Variants in FLNB observed in about 807,000 individuals in gnomAD.
FLNB encodes filamin-B.
Under a neutral mutation model 250.6 loss-of-function variants are expected in FLNB, and 111 were observed. The observed-to-expected ratio is 0.44, with a 90% confidence interval of 0.38 to 0.52. The LOEUF (loss-of-function observed/expected upper bound fraction) is 0.52, where lower values mean the gene tolerates loss of function less well. FLNB is among the 20% of genes least tolerant of loss of function. The pLI, the probability that FLNB is intolerant of heterozygous loss-of-function variation, is 0.00. For missense variants in FLNB, 2,869 were observed against 3,447.8 expected, an observed-to-expected ratio of 0.83 and a Z score of 4.20; for synonymous variants, 1,302 against 1,372.1, an observed-to-expected ratio of 0.95 and a Z score of 1.13.
intron 1 of FLNB, among the ~76,000 whole-genome samples, chr3:58,062,667 T>G (rs1378884639): frequency 6.6e-6 from 1 of 152,190 alleles, no homozygotes; most frequent in African/African-American, 2.4e-5. Flanking sequence ...GCCTGCAGAC[T>G]AGAGCACACT....
chr3:58,125,569 T>C lies in FLNB; in HGVS notation c.3899-12T>C. 1 of 1,614,134 alleles carries C rather than the reference T, an allele frequency of 6.2e-7. No homozygotes were observed. The highest frequency in any genetic ancestry group is 8.5e-7 in the Non-Finnish European group (1 of 1,179,946). On this transcript the variant is annotated splice_polypyrimidine_tract_variant and intron_variant, in intron 22 of 45. Transcript: ENST00000295956. ...TATGCAAATATGCGTTTCTGTTTGT[T>C]GTTTTGAGCAGGTCTCCATGTAGTG...
intron 8 of FLNB, among the ~76,000 whole-genome samples, chr3:58,100,627 T>TCA (rs1440451566): frequency 3.4e-5 from 5 of 146,092 alleles, no homozygotes; most frequent in Admixed American, 2.8e-4. Context: ...AGACAGAGTC[T>TCA]CACTCTCTCA....
Position 58,111,951 on chromosome 3 carries a change from G to T in FLNB, c.2575+70G>T. 3.7e-6 allele frequency: 5 copies of T among 1,347,258 alleles called. 1 individual carries two copies. In the South Asian group the frequency reaches 4.7e-5, roughly 13 times the overall value. The allele number at this position is 1,347,258 out of a possible 1,614,324, so 83.5% of individuals were successfully genotyped here. Reference sequence around the variant, plus strand: ...GTGGCACTGGGCGTGTTTCATCCACGGCCTTGAGGAACTTCATCTCCACCA... The same window carrying T: ...GTGGCACTGGGCGTGTTTCATCCACTGCCTTGAGGAACTTCATCTCCACCA... On this transcript the variant is annotated intron_variant, in intron 17 of 45. Transcript: ENST00000295956.
chr3:58,018,327 C>CTTTTT (rs60851192), intron 1 of FLNB, among the ~76,000 whole-genome samples: 3 of 63,242 alleles, frequency 4.7e-5, no homozygotes, highest in African/African-American at 2.3e-4. Context: ...TATTCATTGA[C>CTTTTT]TTTTTTTTTT....
Position 58,124,435 on chromosome 3 carries a change from C to T in FLNB, c.3828C>T (p.Ala1276=). The change falls in exon 22 of 46, where the codon GCC becomes GCT. Residue 1276 remains alanine, a synonymous_variant. Transcript: ENST00000295956. ...CCCACATTGCCAACCCCTCAGGGGC[C>T]TCCACCGAGTGCTTTGTCACAGACA... ...IKAHIANPSG[A]STECFVTDNA... 1 of 1,614,230 alleles carries T rather than the reference C, an allele frequency of 6.2e-7. No individual in the cohort carries two copies. Among genetic ancestry groups the T allele is most frequent in the Non-Finnish European group, 8.5e-7 (1 of 1,180,028 alleles).
intron 1 of FLNB, among the ~76,000 whole-genome samples, chr3:58,037,174 C>T (rs955713355): frequency 1.3e-4 from 19 of 149,780 alleles, no homozygotes; most frequent in Non-Finnish European, 2.5e-4. Context: ...AAGCAATTCT[C>T]CTGCCTCAGC....
intron 1 of FLNB, among the ~76,000 whole-genome samples, chr3:58,021,008 G>C (rs1427874639): frequency 1.3e-5 from 2 of 152,076 alleles, no homozygotes; most frequent in Non-Finnish European, 2.9e-5. Flanking sequence ...GCTAAAATAG[G>C]ATTTCTCAGT....
intron 4 of FLNB, among the ~76,000 whole-genome samples, chr3:58,086,928 C>T (rs1438311300): frequency 6.6e-6 from 1 of 152,138 alleles, no homozygotes; most frequent in Non-Finnish European, 1.5e-5. Context: ...TCCTGGCCAA[C>T]GTGGTGAAAC....
chr3:58,015,929 C>T (rs910016309), intron 1 of FLNB, among the ~76,000 whole-genome samples: 3 of 151,910 alleles, frequency 2.0e-5, no homozygotes, highest in South Asian at 4.2e-4. Flanking sequence ...CAGGAGCAGA[C>T]GAGTGTGTCA....
intron 18 of FLNB, among the ~76,000 whole-genome samples, chr3:58,113,313 C>CT (rs1390717566): frequency 6.6e-6 from 1 of 152,204 alleles, no homozygotes; most frequent in Non-Finnish European, 1.5e-5. Flanking sequence ...TTCCAAGCCT[C>CT]TGAGATTCCT....
At chr3:58,134,913 A>G (rs990463619) in intron 27 of FLNB, 141 bp downstream of exon 27, 5 of 793,008 alleles carry the variant, frequency 6.3e-6, no homozygotes, top group Admixed American at 4.6e-5. Context: ...GAGTCAGTAA[A>G]TGTGCAGAAG....
intron 1 of FLNB, among the ~76,000 whole-genome samples, chr3:58,013,102 G>A (rs776314143): frequency 6.6e-6 from 1 of 152,218 alleles, no homozygotes; most frequent in Non-Finnish European, 1.5e-5. Flanking sequence ...GCCAGGAGTT[G>A]GCAGTTTTAT....
At chr3:58,069,232 CTTTTTTTTTTTT>C (rs59689498) in intron 1 of FLNB, among the ~76,000 whole-genome samples, 1 of 86,384 alleles carries the variant, frequency 1.2e-5, no homozygotes, top group Non-Finnish European at 2.2e-5. Context: ...TAGTTCAATT[CTTTTTTTTTTTT>C]TTTTTTTTTT....
intron 1 of FLNB, among the ~76,000 whole-genome samples, chr3:58,033,130 A>C (rs1285540990): frequency 1.3e-5 from 2 of 152,220 alleles, no homozygotes; most frequent in African/African-American, 4.8e-5. Flanking sequence ...TTGTTATACA[A>C]TGAAGAACAC....
At chr3:58,109,459 C>T (rs2097264872) in intron 14 of FLNB, 117 bp from the exon 15 acceptor site, 11 of 1,598,094 alleles carry the variant, frequency 6.9e-6, no homozygotes, top group Admixed American at 3.4e-5. Flanking sequence ...TGGAGGGGCC[C>T]GAAGGGCAGA....
intron 1 of FLNB, among the ~76,000 whole-genome samples, chr3:58,026,604 TG>T (rs1224108908): frequency 2.6e-5 from 4 of 152,254 alleles, no homozygotes; most frequent in African/African-American, 9.6e-5. Context: ...GGAATGGATA[TG>T]GGAGGTTGGG....
Position 58,145,212 on chromosome 3 carries a change from G to C in FLNB, c.5426-709G>C, listed in dbSNP as rs377469606. Among the ~76,000 whole-genome samples, 46 of 152,276 alleles carry C rather than the reference G, an allele frequency of 3.0e-4. No individual in the cohort carries two copies. In the South Asian group the frequency reaches 4.2e-3, roughly 14 times the overall value. On this transcript the variant is annotated intron_variant, in intron 32 of 45. Coordinates refer to ENST00000295956, the MANE Select transcript of FLNB (RefSeq NM_001457.4). The stretch of plus-strand genomic sequence containing the variant: ...TGTATCTTTTCAGATGTTTCTCTCT[G>C]TATCTACAAACATACATATAATTTT...
chr3:58,146,618 G>A (rs898279473), intron 33 of FLNB: 1 of 596,942 alleles, frequency 1.7e-6, no homozygotes, highest in South Asian at 1.9e-5. Flanking sequence ...GAACTCAGAT[G>A]TTTGGGGTTT....
intron 1 of FLNB, among the ~76,000 whole-genome samples, chr3:58,014,956 C>A (rs1309327095): frequency 6.6e-6 from 1 of 152,012 alleles, no homozygotes; most frequent in Non-Finnish European, 1.5e-5. Flanking sequence ...CTCGAACTCC[C>A]AACCTCGTGA....
Sources: gnomAD v4.1 joint callset for allele counts (sites outside exome capture counted in the v4.1 genomes callset) on GRCh38, gnomAD v4.1.1 for gene constraint, MANE v1.5 for transcripts, NCBI Gene and HGNC (gene_info 2026-07-23, HGNC 2026-07-21) for gene names.